ADGRB3: variants seen among roughly 807,000 people sequenced by gnomAD.
The protein encoded by ADGRB3 is adhesion G protein-coupled receptor B3, also known as brain-specific angiogenesis inhibitor 3.
In ADGRB3, 37 loss-of-function variants were observed where a neutral mutation model predicts 193.4. The ratio of observed to expected loss-of-function variants is 0.19; its 90% CI spans 0.15 to 0.25. ADGRB3 has a LOEUF of 0.25. Among genes scored for constraint, ADGRB3 ranks in the 10% least tolerant of loss-of-function variants. The pLI, the probability that ADGRB3 is intolerant of heterozygous loss-of-function variation, is 1.00. For missense variants in ADGRB3, 1,637 were observed against 1,852.9 expected (o/e 0.88, Z 2.14); for synonymous variants, 690 against 644.2 (o/e 1.07, Z -1.08).
chr6:68,777,067 G>A (rs777190849), intron 3 of ADGRB3, among the ~76,000 whole-genome samples: 3 of 152,068 alleles, frequency 2.0e-5, no homozygotes, highest in African/African-American at 4.8e-5. Context: ...AATATACAAT[G>A]TGCAAGATTT....
chr6:69,250,881 G>T (rs1281503897), intron 20 of ADGRB3, among the ~76,000 whole-genome samples: 1 of 152,170 alleles, frequency 6.6e-6, no homozygotes, highest in African/African-American at 2.4e-5. Flanking sequence ...AATAAGTGAA[G>T]CTTCTATTAT....
chr6:69,098,731 G>A (rs1411724957), intron 17 of ADGRB3, among the ~76,000 whole-genome samples: 1 of 152,014 alleles, frequency 6.6e-6, no homozygotes, highest in African/African-American at 2.4e-5. Context: ...TCAATAAACT[G>A]CTTATTTTAC....
chr6:68,937,192 C>A (rs977711519), intron 5 of ADGRB3, among the ~76,000 whole-genome samples: 8 of 151,758 alleles, frequency 5.3e-5, no homozygotes, highest in African/African-American at 1.9e-4. Context: ...TCAGAGGTAT[C>A]CGCTGCTTTG....
rs144713520 is a variant in ADGRB3 at position 69,070,617 on chromosome 6, G to A, written c.2437-5378G>A. On this transcript the variant is annotated intron_variant, in intron 16 of 31. Coordinates refer to ENST00000370598, the MANE Select transcript of ADGRB3 (RefSeq NM_001704.3). ...TCATGAGCAGTGATTCTCTAAATTT[G>A]ATGTGAAAAAAAATTATGGAGAGGC... Among the ~76,000 whole-genome samples, 929 of 152,106 alleles carry A rather than the reference G, an allele frequency of 6.1e-3. 12 individuals carry two copies. Among genetic ancestry groups the A allele is most frequent in the African/African-American group, 0.021 (885 of 41,498 alleles).
intron 3 of ADGRB3, among the ~76,000 whole-genome samples, chr6:68,918,597 C>A (rs1345895729): frequency 2.6e-5 from 4 of 152,138 alleles, no homozygotes; most frequent in African/African-American, 9.7e-5. Context: ...ACTTGGCTTA[C>A]CTTTAACATA....
intron 3 of ADGRB3, among the ~76,000 whole-genome samples, chr6:68,652,087 G>A (rs1310447067): frequency 6.6e-6 from 1 of 151,920 alleles, no homozygotes; most frequent in Non-Finnish European, 1.5e-5. Context: ...AATTGAGTTT[G>A]CCTGAGTCTA....
At chr6:69,186,588 A>G (rs1765075413) in intron 17 of ADGRB3, among the ~76,000 whole-genome samples, 2 of 152,166 alleles carry the variant, frequency 1.3e-5, no homozygotes, top group East Asian at 1.9e-4. Flanking sequence ...AGCCTGGCAC[A>G]TAATAAAATC....
intron 17 of ADGRB3, among the ~76,000 whole-genome samples, chr6:69,172,640 T>A: frequency 2.5e-5 from 1 of 39,350 alleles, no homozygotes. Flanking sequence ...CGAGACTCTG[T>A]CTCAAAAAAA....
At chr6:68,740,957 G>A (rs1765969304) in intron 3 of ADGRB3, among the ~76,000 whole-genome samples, 1 of 152,140 alleles carries the variant, frequency 6.6e-6, no homozygotes, top group African/African-American at 2.4e-5. Flanking sequence ...TTTCTCTGAA[G>A]TGCATGCATA....
At chr6:68,657,603 A>G (rs1488186610) in intron 3 of ADGRB3, among the ~76,000 whole-genome samples, 1 of 151,384 alleles carries the variant, frequency 6.6e-6, no homozygotes. Flanking sequence ...TGATGGGATT[A>G]CTCAGCAAAT....
intron 19 of ADGRB3, among the ~76,000 whole-genome samples, chr6:69,238,286 GT>G (rs1377344082): frequency 6.6e-6 from 1 of 152,034 alleles, no homozygotes; most frequent in Admixed American, 6.6e-5. Flanking sequence ...TTTTGTTACT[GT>G]CACTCAGTGA....
At chr6:69,185,832 G>C (rs1016219008) in intron 17 of ADGRB3, among the ~76,000 whole-genome samples, 4 of 152,090 alleles carry the variant, frequency 2.6e-5, no homozygotes, top group Non-Finnish European at 5.9e-5. Flanking sequence ...TTAAATGACA[G>C]CTTCGCATAA....
intron 28 of ADGRB3, among the ~76,000 whole-genome samples, chr6:69,359,331 T>C (rs539004434): frequency 2.7e-4 from 41 of 151,672 alleles, no homozygotes; most frequent in Admixed American, 9.2e-4. Flanking sequence ...TTACAACTCA[T>C]TATTGATCTA....
chr6:68,824,165 A>G (rs1193256460), intron 3 of ADGRB3, among the ~76,000 whole-genome samples: 2 of 152,120 alleles, frequency 1.3e-5, no homozygotes, highest in East Asian at 1.9e-4. Flanking sequence ...TTTTATGACC[A>G]TGAAACTTAT....
In ADGRB3 at chr6:68,905,493, T is replaced by C. The variant is rs138756788; in HGVS notation, c.758-25066T>C. ...TTATAAAGTTACTTGCAAATAGATGTATTTTGTAGCAAATAGGCTATGATC... is the reference window on the plus strand; with the variant it reads ...TTATAAAGTTACTTGCAAATAGATGCATTTTGTAGCAAATAGGCTATGATC... On this transcript the variant is annotated intron_variant, in intron 3 of 31. Transcript: ENST00000370598. Among the ~76,000 whole-genome samples the C allele has an allele frequency of 2.3e-3, 346 of 152,326 alleles. 1 individual carries two copies. Among genetic ancestry groups the C allele is most frequent in the African/African-American group, 8.0e-3 (334 of 41,582 alleles).
intron 3 of ADGRB3, among the ~76,000 whole-genome samples, chr6:68,686,393 G>T (rs1561994382): frequency 6.6e-6 from 1 of 151,868 alleles, no homozygotes; most frequent in Non-Finnish European, 1.5e-5. Flanking sequence ...TTTTTGCTTT[G>T]ACTGGATCAC....
chr6:68,854,180 C>T (rs745721695), intron 3 of ADGRB3, among the ~76,000 whole-genome samples: 1 of 152,128 alleles, frequency 6.6e-6, no homozygotes, highest in Non-Finnish European at 1.5e-5. Flanking sequence ...CATTTCCTTC[C>T]ATTAGGTAAT....
At chr6:68,953,384 G>A (rs1002756074) in intron 6 of ADGRB3, among the ~76,000 whole-genome samples, 5 of 152,140 alleles carry the variant, frequency 3.3e-5, no homozygotes, top group Admixed American at 2.6e-4. Flanking sequence ...GTGGATAACT[G>A]TACATCCTTT....
intron 17 of ADGRB3, among the ~76,000 whole-genome samples, chr6:69,144,874 GTGTTCTTT>G (rs1349498100): frequency 2.5e-5 from 1 of 39,626 alleles, no homozygotes; most frequent in African/African-American, 7.8e-5. Context: ...GTTTGTTTGA[GTGTTCTTT>G]CTTTCTTTCT....
Sources: gnomAD v4.1 joint callset for allele counts (sites outside exome capture counted in the v4.1 genomes callset) on GRCh38, gnomAD v4.1.1 for gene constraint, MANE v1.5 for transcripts, NCBI Gene and HGNC (gene_info 2026-07-23, HGNC 2026-07-21) for gene names.